KIRREL3: variants seen among roughly 807,000 people sequenced by gnomAD.
KIRREL3 encodes kin of IRRE-like protein 3.
A neutral mutation model predicts 89.7 loss-of-function variants in KIRREL3; 36 were observed. That is an observed-to-expected ratio of 0.40 (90% CI 0.31 to 0.53). The LOEUF is 0.53. KIRREL3 is among the 20% of genes least tolerant of loss of function. KIRREL3 has a pLI of 0.49. For missense variants in KIRREL3, 864 were observed against 1,056.6 expected (o/e 0.82, Z 2.53); for synonymous variants, 445 against 441.4 (o/e 1.01, Z -0.10).
chr11:126,745,427 T>A, intron 1 of KIRREL3, among the ~76,000 whole-genome samples: 1 of 148,182 alleles, frequency 6.7e-6, no homozygotes, highest in African/African-American at 2.5e-5. Flanking sequence ...TCACCTGAGC[T>A]AAGAAAGATT....
At chr11:126,982,085 A>G (rs886525700) in intron 1 of KIRREL3, among the ~76,000 whole-genome samples, 1 of 152,226 alleles carries the variant, frequency 6.6e-6, no homozygotes, top group Non-Finnish European at 1.5e-5. Context: ...CCAGAGATCC[A>G]GACCCAGCCT....
rs1286813982 is a variant in KIRREL3 at position 126,684,249 on chromosome 11, C to T, written c.56-121337G>A. On this transcript the variant is annotated intron_variant, in intron 1 of 16. Transcript: ENST00000525144. This position sits in a 1 kb window ranked among gnomAD's most constrained non-coding sequence, Gnocchi z 4.2. ...TGCCTCTGTGCCCGTTCTGGGAAAG[C>T]CCCTGGGCTTGCTGGACCCATTTCT... 6.6e-6 allele frequency among the ~76,000 whole-genome samples: 1 copy of T among 152,228 alleles called. No individual in the cohort carries two copies. The highest frequency in any genetic ancestry group is 2.4e-5 in the African/African-American group (1 of 41,464).
chr11:126,555,629 C>T lies in KIRREL3; in HGVS notation c.133+7206G>A, dbSNP rs1326068444. 6.6e-6 allele frequency among the ~76,000 whole-genome samples: 1 copy of T among 152,084 alleles called. No individual in the cohort carries two copies. Among genetic ancestry groups the T allele is most frequent in the African/African-American group, 2.4e-5 (1 of 41,398 alleles). ...TATGACAGGGGCCCTGCTTGAGGAG[C>T]AGCAGGAAGGCCCATGTGACTGGAG... On this transcript the variant is annotated intron_variant, in intron 2 of 16. Transcript: ENST00000525144. The surrounding 1 kb of genome is among the most constrained non-coding windows in gnomAD (Gnocchi z 4.2).
chr11:126,944,690 A>G (rs1948566770), intron 1 of KIRREL3, among the ~76,000 whole-genome samples: 1 of 151,970 alleles, frequency 6.6e-6, no homozygotes, highest in Non-Finnish European at 1.5e-5. Flanking sequence ...CTTCCCCTAC[A>G]CCCACACCTG....
chr11:126,914,560 G>T (rs1289201268), intron 1 of KIRREL3, among the ~76,000 whole-genome samples: 2 of 152,224 alleles, frequency 1.3e-5, no homozygotes, highest in Non-Finnish European at 2.9e-5. Flanking sequence ...GATGACATTG[G>T]ATAGAGTTAA....
In KIRREL3 at chr11:126,795,759, TTTTAATTAAAAAGAATTACAGAGCCAC is replaced by T. The variant is rs1349478837; in HGVS notation, c.55+204669_55+204695del. On this transcript the variant is annotated intron_variant, in intron 1 of 16. Transcript: ENST00000525144. This position sits in a 1 kb window ranked among gnomAD's most constrained non-coding sequence, Gnocchi z 4.1. ...TAAAAATCCTCAAAAAAATGAAGTTTTTTAATTAAAAAGAATTACAGAGCCACTTCAACCACCAGTTCTTCTTCCCCC... is the reference window on the plus strand; with the variant it reads ...TAAAAATCCTCAAAAAAATGAAGTTTTTCAACCACCAGTTCTTCTTCCCCC... Among the ~76,000 whole-genome samples, 3 of 152,172 alleles carry T rather than the reference TTTTAATTAAAAAGAATTACAGAGCCAC, an allele frequency of 2.0e-5. No individual in the cohort carries two copies. Among genetic ancestry groups the T allele is most frequent in the Admixed American group, 2.0e-4 (3 of 15,278 alleles).
chr11:126,439,584 G>A (rs1312703633), intron 11 of KIRREL3, among the ~76,000 whole-genome samples: 1 of 150,740 alleles, frequency 6.6e-6, no homozygotes, highest in Non-Finnish European at 1.5e-5. Context: ...TGGGAGGCTG[G>A]GGTAGGAGGA....
intron 1 of KIRREL3, among the ~76,000 whole-genome samples, chr11:126,745,221 A>G (rs931593839): frequency 6.6e-6 from 1 of 152,210 alleles, no homozygotes; most frequent in Non-Finnish European, 1.5e-5. Flanking sequence ...GTGATACAGG[A>G]TAGCCTCTTT....
intron 1 of KIRREL3, among the ~76,000 whole-genome samples, chr11:126,923,352 C>T (rs376233526): frequency 1.3e-4 from 10 of 75,744 alleles, no homozygotes; most frequent in East Asian, 1.3e-3. Flanking sequence ...CTCCTTCTTC[C>T]TTCTCCTTCT....
chr11:126,520,065 C>CGA lies in KIRREL3; in HGVS notation c.433+1248_433+1249dup, dbSNP rs1164200473. 2.0e-5 allele frequency among the ~76,000 whole-genome samples: 3 copies of CGA among 152,164 alleles called. No individual in the cohort carries two copies. The highest frequency in any genetic ancestry group is 7.2e-5 in the African/African-American group (3 of 41,432). ...CCCCGCATCTCAAGAAGTCAAGCTCCGAGCTTGGTAAGTGGTCCTCCGGGG... is the reference window on the plus strand; with the variant it reads ...CCCCGCATCTCAAGAAGTCAAGCTCCGAGAGCTTGGTAAGTGGTCCTCCGGGG... On this transcript the variant is annotated intron_variant, in intron 4 of 16. Coordinates refer to ENST00000525144, the MANE Select transcript of KIRREL3 (RefSeq NM_032531.4). This position sits in a 1 kb window ranked among gnomAD's most constrained non-coding sequence, Gnocchi z 4.9.
At chr11:126,914,580 G>C (rs375324677) in intron 1 of KIRREL3, among the ~76,000 whole-genome samples, 1 of 152,218 alleles carries the variant, frequency 6.6e-6, no homozygotes, top group African/African-American at 2.4e-5. Context: ...ACAGCAGACA[G>C]GTGTCACAGC....
chr11:126,435,204 C>T (rs1955275771), intron 13 of KIRREL3, 64 bp downstream of exon 13: 1 of 1,568,758 alleles, frequency 6.4e-7, no homozygotes, highest in East Asian at 2.2e-5. Context: ...TGGGTTCCCT[C>T]CCCAGCTAGC....
rs61898678 is a variant in KIRREL3 at position 126,443,276 on chromosome 11, G to A, written c.1252+1703C>T. On this transcript the variant is annotated intron_variant, in intron 10 of 16. Transcript: ENST00000525144. This position sits in a 1 kb window ranked among gnomAD's most constrained non-coding sequence, Gnocchi z 7.3. The stretch of plus-strand genomic sequence containing the variant: ...TGCAGGCACAGACAGCCTGACTTCC[G>A]AGTGCCCTGGCTGGCGCGGGCTGTG... Among the ~76,000 whole-genome samples, 419 of 152,306 alleles carry A rather than the reference G, an allele frequency of 2.8e-3. 1 individual carries two copies. Among genetic ancestry groups the A allele is most frequent in the Non-Finnish European group, 5.1e-3 (349 of 68,034 alleles).
chr11:126,662,874 A>G (rs1359107529), intron 1 of KIRREL3, among the ~76,000 whole-genome samples: 1 of 143,828 alleles, frequency 7.0e-6, no homozygotes, highest in Non-Finnish European at 1.5e-5. Context: ...AACTTTCTAG[A>G]GTGTAGGATT....
In KIRREL3 at chr11:126,953,317, C is replaced by T. The variant is rs1412160669; in HGVS notation, c.55+47138G>A. On this transcript the variant is annotated intron_variant, in intron 1 of 16. Transcript: ENST00000525144. The surrounding 1 kb of genome is among the most constrained non-coding windows in gnomAD (Gnocchi z 5.2). ...ATGGACACAGGGAGGGGACATCATA[C>T]ACCGGGGCTTGTTGTGGGGTGGGGG... Among the ~76,000 whole-genome samples the T allele has an allele frequency of 6.6e-6, 1 of 151,618 alleles. No homozygotes were observed. Among genetic ancestry groups the T allele is most frequent in the East Asian group, 1.9e-4 (1 of 5,160 alleles).
chr11:126,611,081 CA>C lies in KIRREL3; in HGVS notation c.56-48170del, dbSNP rs1185348641. The C allele has an allele frequency of 2.6e-5, 4 of 152,172 alleles. No homozygotes were observed. In the East Asian group the frequency reaches 7.7e-4, roughly 29 times the overall value. The allele number at this position is 152,172 out of a possible 1,614,324, so 9.4% of individuals were successfully genotyped here. On this transcript the variant is annotated intron_variant, in intron 1 of 16. Transcript: ENST00000525144. This position sits in a 1 kb window ranked among gnomAD's most constrained non-coding sequence, Gnocchi z 4.7. ...ACAGGTGCAAGAGACAGACCGCCCA[CA>C]TTAAAATCTGACTCCACTCCTGAGC...
intron 1 of KIRREL3, among the ~76,000 whole-genome samples, chr11:126,567,353 C>A (rs1398613347): frequency 6.6e-6 from 1 of 152,172 alleles, no homozygotes; most frequent in African/African-American, 2.4e-5. Flanking sequence ...AAAGAGGGTG[C>A]CTGGGACAGA....
At chr11:126,845,963 A>G (rs1944127422) in intron 1 of KIRREL3, among the ~76,000 whole-genome samples, 1 of 152,196 alleles carries the variant, frequency 6.6e-6, no homozygotes. Flanking sequence ...CAAAAAAAAC[A>G]CAAAAAACCT....
At position 126,490,266 on chromosome 11, in the gene KIRREL3, G is replaced by T. The variant is rs1158901318; in HGVS notation, c.434-16800C>A. ...GGGAGGCAAGGCAGCTTTACTTTCT[G>T]TGTATGTTTATTTTAGACTCCCATT... On this transcript the variant is annotated intron_variant, in intron 4 of 16. Coordinates refer to ENST00000525144, the MANE Select transcript of KIRREL3 (RefSeq NM_032531.4). This position sits in a 1 kb window ranked among gnomAD's most constrained non-coding sequence, Gnocchi z 4.2. 6.6e-6 allele frequency among the ~76,000 whole-genome samples: 1 copy of T among 151,970 alleles called. No homozygotes were observed.
Sources: gnomAD v4.1 joint callset for allele counts (sites outside exome capture counted in the v4.1 genomes callset) on GRCh38, gnomAD v4.1.1 for gene constraint, Gnocchi (gnomAD v3.1) non-coding constraint, MANE v1.5 for transcripts, NCBI Gene and HGNC (gene_info 2026-07-23, HGNC 2026-07-21) for gene names.